Variants in ZNF813 observed in about 807,000 individuals in gnomAD.
ZNF813 encodes zinc finger protein 813.
Under a neutral mutation model 7.2 loss-of-function variants are expected in ZNF813, and 3 were observed. The observed-to-expected ratio is 0.42, with a 90% CI of 0.19 to 1.08. The LOEUF is 1.08. Among genes scored for constraint, ZNF813 ranks in the 50% least tolerant of loss-of-function variants. The pLI is 0.30. For missense variants in ZNF813, 714 were observed against 753.3 expected (o/e 0.95, Z 0.61); for synonymous variants, 227 against 256.3 (o/e 0.89, Z 1.09).
intron 1 of ZNF813, chr19:53,479,279 A>G (rs909180037): frequency 3.5e-5 from 50 of 1,447,054 alleles, no homozygotes; most frequent in Non-Finnish European, 4.7e-5. Flanking sequence ...ATACATAATC[A>G]TGGAGAGGAG....
At chr19:53,471,007 T>C (rs1233538188) in intron 1 of ZNF813, among the ~76,000 whole-genome samples, 1 of 152,222 alleles carries the variant, frequency 6.6e-6, no homozygotes, top group African/African-American at 2.4e-5. Flanking sequence ...TGACTTATTT[T>C]GTGCCCAGGT....
chr19:53,485,206 A>G (rs889009493), intron 2 of ZNF813, among the ~76,000 whole-genome samples: 6 of 152,198 alleles, frequency 3.9e-5, no homozygotes, highest in Non-Finnish European at 8.8e-5. Flanking sequence ...CAGGTCAGGC[A>G]GTTGAAAGGG....
rs1184971278 is a variant in ZNF813 at position 53,492,921 on chromosome 19, T to G, written c.*835T>G. The G allele has an allele frequency of 4.1e-6, 2 of 483,018 alleles. No homozygotes were observed. The highest frequency in any genetic ancestry group is 1.5e-5 in the South Asian group (1 of 66,118). 29.9% of individuals were successfully genotyped at this position (483,018 alleles called of 1,614,324 possible). ...GCCTTTACTTCACGTTCACACCTCC[T>G]TAGACATCAGAGAATGCACACTGGA... is the stretch of plus-strand genomic sequence containing the variant. On this transcript the variant is annotated 3_prime_UTR_variant, in exon 4 of 4. Coordinates refer to ENST00000396403, the MANE Select transcript of ZNF813 (RefSeq NM_001004301.4).
chr19:53,477,631 C>G (rs2086388027), intron 1 of ZNF813, among the ~76,000 whole-genome samples: 1 of 146,940 alleles, frequency 6.8e-6, no homozygotes, highest in South Asian at 2.2e-4. Context: ...GCCTGGGCAA[C>G]ATAGTAAGAC....
intron 1 of ZNF813, among the ~76,000 whole-genome samples, chr19:53,482,971 G>A (rs2086416650): frequency 6.6e-6 from 1 of 151,376 alleles, no homozygotes; most frequent in Non-Finnish European, 1.5e-5. Context: ...GGAGTGCAGT[G>A]GCACGATCTT....
intron 2 of ZNF813, among the ~76,000 whole-genome samples, chr19:53,485,571 C>CATGTATGTCATGACAT (rs903055651): frequency 7.8e-6 from 1 of 128,638 alleles, no homozygotes; most frequent in Non-Finnish European, 1.7e-5. Flanking sequence ...GACATATATA[C>CATGTATGTCATGACAT]ATGTATGTCA....
intron 1 of ZNF813, among the ~76,000 whole-genome samples, chr19:53,474,397 G>A (rs1211743571): frequency 6.6e-6 from 1 of 152,112 alleles, no homozygotes; most frequent in Non-Finnish European, 1.5e-5. Context: ...CATAGAAATG[G>A]CACTTTCGTG....
chr19:53,488,636 A>G (rs1415084138), intron 3 of ZNF813, among the ~76,000 whole-genome samples: 3 of 145,722 alleles, frequency 2.1e-5, no homozygotes, highest in Admixed American at 7.0e-5. Context: ...GTTAGCCAGG[A>G]TGGTCTCGAT....
intron 1 of ZNF813, among the ~76,000 whole-genome samples, chr19:53,477,221 C>G (rs1398138203): frequency 1.3e-5 from 2 of 152,024 alleles, no homozygotes; most frequent in African/African-American, 4.8e-5. Flanking sequence ...TTCATTAGAC[C>G]CTGGCCCTGG....
chr19:53,486,570 A>G, intron 2 of ZNF813, 62 bp from the exon 3 acceptor site: 1 of 1,613,026 alleles, frequency 6.2e-7, no homozygotes, highest in South Asian at 1.1e-5. Context: ...TCCTCTTCTC[A>G]TTTTCTGTGA....
chr19:53,485,443 T>G (rs1993880), intron 2 of ZNF813, among the ~76,000 whole-genome samples: 95,515 of 152,032 alleles, frequency 0.63, 30,265 homozygotes, highest in Admixed American at 0.69. Flanking sequence ...AATGTATATA[T>G]TTTGAACAAC....
chr19:53,470,071 G>A (rs11673087), intron 1 of ZNF813, among the ~76,000 whole-genome samples: 26,480 of 151,960 alleles, frequency 0.17, 2,428 homozygotes, highest in East Asian at 0.27. Context: ...CATAACTTGT[G>A]GCCTTGCATA....
intron 1 of ZNF813, among the ~76,000 whole-genome samples, chr19:53,471,452 A>T (rs1404839421): frequency 6.6e-6 from 1 of 152,082 alleles, no homozygotes; most frequent in Non-Finnish European, 1.5e-5. Flanking sequence ...TCTTCTAGGG[A>T]GTCTGTAAAA....
At chr19:53,487,148 GTAT>G (rs2086438506) in intron 3 of ZNF813, among the ~76,000 whole-genome samples, 3 of 152,020 alleles carry the variant, frequency 2.0e-5, no homozygotes, top group Non-Finnish European at 2.9e-5. Context: ...TTTTGCATAT[GTAT>G]GTCCTTAAGG....
intron 1 of ZNF813, among the ~76,000 whole-genome samples, chr19:53,472,080 C>T (rs944837615): frequency 3.3e-5 from 5 of 152,040 alleles, no homozygotes; most frequent in South Asian, 4.1e-4. Context: ...GTTGCTGGTC[C>T]GGGTTCCTTT....
At chr19:53,475,504 G>A in intron 1 of ZNF813, among the ~76,000 whole-genome samples, 1 of 152,292 alleles carries the variant, frequency 6.6e-6, no homozygotes, top group Non-Finnish European at 1.5e-5. Flanking sequence ...AGCCGGGTTA[G>A]GGTGTTTACT....
In ZNF813 at chr19:53,480,192, A is replaced by G. The variant is rs1274054977; in HGVS notation, c.-73-3558A>G. The G allele has an allele frequency of 1.7e-5, 13 of 757,266 alleles. No individual in the cohort carries two copies. The African/African-American group carries it at 1.9e-4, about 11-fold the overall frequency. The allele number at this position is 757,266 out of a possible 1,614,324, so 46.9% of individuals were successfully genotyped here. A position where few individuals can be genotyped will look rare whatever the true frequency, so the allele number is the denominator to read the frequency against. Reference sequence around the variant, plus strand: ...ACCTTTACCTGAGGGCTGATCTTCAATTGGAAGGCTGCTTTCTCCTCTCAC... The same window carrying G: ...ACCTTTACCTGAGGGCTGATCTTCAGTTGGAAGGCTGCTTTCTCCTCTCAC... On this transcript the variant is annotated intron_variant, in intron 1 of 3. Coordinates refer to ENST00000396403, the MANE Select transcript of ZNF813 (RefSeq NM_001004301.4).
Position 53,491,648 on chromosome 19 carries a change from T to C in ZNF813, c.1416T>C (p.Cys472=), listed in dbSNP as rs1417786077. 1 of 1,613,828 alleles carries C rather than the reference T, an allele frequency of 6.2e-7. No homozygotes were observed. Among genetic ancestry groups the C allele is most frequent in the Admixed American group, 1.7e-5 (1 of 59,996 alleles). ...IGEKRYKCNE[C]GKTFSRISAL... is the part of the protein sequence containing the mutation. Reference sequence around the variant, plus strand: ...AGAAACGTTACAAGTGTAATGAGTGTGGCAAGACGTTCAGTCGAATTTCAG... The same window carrying C: ...AGAAACGTTACAAGTGTAATGAGTGCGGCAAGACGTTCAGTCGAATTTCAG... The change falls in exon 4 of 4, where the codon TGT becomes TGC. Residue 472 remains cysteine, a synonymous_variant. Coordinates refer to ENST00000396403, the MANE Select transcript of ZNF813 (RefSeq NM_001004301.4).
At position 53,490,522 on chromosome 19, in the gene ZNF813, T is replaced by TA; in HGVS notation, c.291dup (p.Glu98ArgfsTer8). The TA allele has an allele frequency of 6.2e-7, 1 of 1,614,154 alleles. No individual in the cohort carries two copies. On this transcript the variant is annotated frameshift_variant, in exon 4 of 4. Coordinates refer to ENST00000396403, the MANE Select transcript of ZNF813 (RefSeq NM_001004301.4). LOFTEE classifies it low-confidence loss of function (END_TRUNC). The stretch of plus-strand genomic sequence containing the variant: ...GAAATTGATAAAGATATTCATAACT[T>TA]AGAGTTTCAGTGGCAAGAAGATGAA...
Sources: allele counts gnomAD v4.1 joint callset (sites outside exome capture counted in the v4.1 genomes callset), GRCh38; gene constraint gnomAD v4.1.1; transcripts MANE v1.5; gene names NCBI Gene and HGNC (gene_info 2026-07-23, HGNC 2026-07-21).